The following EGFLAM variants were observed in gnomAD, a reference collection of about 807,000 sequenced individuals.
EGFLAM encodes pikachurin.
Under a neutral mutation model 113.1 loss-of-function variants are expected in EGFLAM, and 79 were observed. The ratio of observed to expected loss-of-function variants is 0.70; its 90% CI spans 0.58 to 0.84. EGFLAM has a LOEUF of 0.84. Ranked by LOEUF, EGFLAM falls within the 40% of genes least tolerant of loss-of-function variation. The pLI is 0.00. For synonymous variants in EGFLAM, 504 were observed against 487.6 expected (o/e 1.03, Z -0.44); for missense variants, 1,265 against 1,291.6 (o/e 0.98, Z 0.32).
intron 1 of EGFLAM, among the ~76,000 whole-genome samples, chr5:38,273,916 C>G (rs963790443): frequency 1.4e-4 from 21 of 152,052 alleles, no homozygotes; most frequent in African/African-American, 5.1e-4. Context: ...ACAAAAAATT[C>G]AAAGTAGCTG....
intron 19 of EGFLAM, among the ~76,000 whole-genome samples, chr5:38,457,200 G>A (rs1292294208): frequency 6.6e-6 from 1 of 152,156 alleles, no homozygotes; most frequent in Non-Finnish European, 1.5e-5. Context: ...TAATCTCTCT[G>A]GGGCTCACCC....
chr5:38,412,217 C>G (rs1189780763), intron 10 of EGFLAM, among the ~76,000 whole-genome samples: 1 of 152,082 alleles, frequency 6.6e-6, no homozygotes, highest in Non-Finnish European at 1.5e-5. Flanking sequence ...GAGCACAGTA[C>G]CCAAATGCCC....
At chr5:38,264,896 C>A (rs1757595217) in intron 1 of EGFLAM, among the ~76,000 whole-genome samples, 1 of 152,238 alleles carries the variant, frequency 6.6e-6, no homozygotes, top group Non-Finnish European at 1.5e-5. Context: ...ATGTTTTCCT[C>A]TGATTCTTCA....
chr5:38,317,434 TC>T (rs1339202324), intron 1 of EGFLAM, among the ~76,000 whole-genome samples: 1 of 152,092 alleles, frequency 6.6e-6, no homozygotes, highest in Non-Finnish European at 1.5e-5. Context: ...GGAAGGGGAA[TC>T]TTTTTTTCTG....
intron 13 of EGFLAM, 85 bp downstream of exon 13, chr5:38,425,177 T>C: frequency 6.6e-7 from 1 of 1,520,868 alleles, no homozygotes; most frequent in Non-Finnish European, 8.8e-7. Flanking sequence ...GTTTCTTTGT[T>C]AATTTGTTTG....
At chr5:38,399,228 C>G (rs1741039313) in intron 6 of EGFLAM, among the ~76,000 whole-genome samples, 1 of 151,150 alleles carries the variant, frequency 6.6e-6, no homozygotes, top group Non-Finnish European at 1.5e-5. Context: ...TAATTCATTC[C>G]AAATCGAATT....
chr5:38,407,216 G>A, intron 8 of EGFLAM, 70 bp downstream of exon 8: 1 of 1,526,256 alleles, frequency 6.6e-7, no homozygotes, highest in East Asian at 2.3e-5. Flanking sequence ...GCAGTTTTGT[G>A]GTCCAAACAT....
At chr5:38,291,526 G>C (rs1005884483) in intron 1 of EGFLAM, among the ~76,000 whole-genome samples, 12 of 152,216 alleles carry the variant, frequency 7.9e-5, no homozygotes, top group African/African-American at 2.9e-4. Context: ...GCAATTTGCA[G>C]CAGGTTCCTC....
chr5:38,312,562 A>G (rs968757238), intron 1 of EGFLAM, among the ~76,000 whole-genome samples: 16 of 152,080 alleles, frequency 1.1e-4, no homozygotes, highest in African/African-American at 3.9e-4. Context: ...TATATGTAAA[A>G]CAGGGATGAT....
At chr5:38,342,076 C>T (rs904981370) in intron 3 of EGFLAM, among the ~76,000 whole-genome samples, 1 of 152,168 alleles carries the variant, frequency 6.6e-6, no homozygotes, top group African/African-American at 2.4e-5. Flanking sequence ...GATTCTCCTG[C>T]ATCTCCCTCT....
chr5:38,285,549 G>A (rs1758139300), intron 1 of EGFLAM: 1 of 152,316 alleles, frequency 6.6e-6, no homozygotes, highest in Non-Finnish European at 1.5e-5. Context: ...TTCAGGGTCA[G>A]TGTCGTATGT....
chr5:38,258,839 A>T lies in EGFLAM; in HGVS notation c.85A>T (p.Ile29Phe). The change falls in exon 1 of 22, where the codon ATC (isoleucine) becomes TTC (phenylalanine). Residue 29 changes from isoleucine to phenylalanine, a missense_variant. Coordinates refer to ENST00000322350, the MANE Select transcript of EGFLAM (RefSeq NM_152403.4). ...CGGCGCGGTGTCGCTCCGAGCGGCC[A>T]TCCGAAAACCAGGTAATGCGCTCCT... The part of the protein sequence containing the change: ...GPGAVSLRAA[I>F]RKPGKVGPPL... 1 of 1,611,858 alleles carries T rather than the reference A, an allele frequency of 6.2e-7. No individual in the cohort carries two copies. Among genetic ancestry groups the T allele is most frequent in the East Asian group, 2.2e-5 (1 of 44,820 alleles).
At chr5:38,334,322 C>T (rs77618452) in intron 1 of EGFLAM, among the ~76,000 whole-genome samples, 2,505 of 152,254 alleles carry the variant, frequency 0.016, 57 homozygotes, top group African/African-American at 0.051. Flanking sequence ...ATCTATTTTT[C>T]ACAGTTCTGG....
At chr5:38,274,907 A>G (rs536406475) in intron 1 of EGFLAM, among the ~76,000 whole-genome samples, 1 of 152,352 alleles carries the variant, frequency 6.6e-6, no homozygotes, top group East Asian at 1.9e-4. Flanking sequence ...GTTAAGGGAT[A>G]TGAAACATAA....
At chr5:38,310,834 C>T (rs1184082756) in intron 1 of EGFLAM, among the ~76,000 whole-genome samples, 1 of 152,144 alleles carries the variant, frequency 6.6e-6, no homozygotes, top group East Asian at 1.9e-4. Context: ...AAACTCTTTC[C>T]TTGTCACAAA....
chr5:38,282,044 T>A (rs1758033799), intron 1 of EGFLAM, among the ~76,000 whole-genome samples: 1 of 152,216 alleles, frequency 6.6e-6, no homozygotes, highest in South Asian at 2.1e-4. Flanking sequence ...ACTGTAAGCT[T>A]AGATTCTTTC....
intron 12 of EGFLAM, among the ~76,000 whole-genome samples, chr5:38,422,750 C>T (rs1379249136): frequency 6.6e-6 from 1 of 152,176 alleles, no homozygotes; most frequent in Admixed American, 6.5e-5. Context: ...GTGACAACAG[C>T]TGTGAGGTCT....
intron 6 of EGFLAM, among the ~76,000 whole-genome samples, chr5:38,395,239 C>CTTTT (rs1221649921): frequency 1.4e-4 from 16 of 114,664 alleles, no homozygotes; most frequent in African/African-American, 2.5e-4. Context: ...CATGCCTAGC[C>CTTTT]TTTTTTTTTT....
intron 3 of EGFLAM, chr5:38,345,319 A>G (rs2111968757): frequency 6.6e-6 from 1 of 152,376 alleles, no homozygotes; most frequent in Middle Eastern, 3.4e-3. Context: ...TGCTATATAA[A>G]TGAAAACTAT....
Sources: allele counts gnomAD v4.1 joint callset (sites outside exome capture counted in the v4.1 genomes callset), GRCh38; gene constraint gnomAD v4.1.1; transcripts MANE v1.5; gene names NCBI Gene and HGNC (gene_info 2026-07-23, HGNC 2026-07-21).